The following EDARADD variants were observed in gnomAD, a reference collection of about 807,000 sequenced individuals.
The protein encoded by EDARADD is EDAR associated via death domain, also known as ectodysplasin-A receptor-associated adapter protein.
Under a neutral mutation model 25.6 loss-of-function variants are expected in EDARADD, and 20 were observed. The ratio of observed to expected loss-of-function variants is 0.78; its 90% CI spans 0.55 to 1.14. The LOEUF is 1.14. Among genes scored for constraint, EDARADD ranks in the 50% most tolerant of loss-of-function variants. The probability of loss-of-function intolerance (pLI) is 0.00; values close to 1 mark genes in which losing one functional copy is unlikely to be tolerated. For missense variants in EDARADD, 225 were observed against 270.1 expected, an observed-to-expected ratio of 0.83 and a Z score of 1.17; for synonymous variants, 86 against 94.4, an observed-to-expected ratio of 0.91 and a Z score of 0.52.
At chr1:236,452,268 C>A (rs1658733872) in intron 4 of EDARADD, among the ~76,000 whole-genome samples, 1 of 152,170 alleles carries the variant, frequency 6.6e-6, no homozygotes, top group African/African-American at 2.4e-5. Flanking sequence ...GGGCAGCAGC[C>A]CCAGCTTTCA....
intron 3 of EDARADD, among the ~76,000 whole-genome samples, chr1:236,354,286 G>A (rs1365757573): frequency 6.6e-6 from 1 of 152,122 alleles, no homozygotes; most frequent in Non-Finnish European, 1.5e-5. Context: ...GGTTTTCAGA[G>A]AAAATATCAG....
chr1:236,402,168 G>C (rs553251579), intron 1 of EDARADD, among the ~76,000 whole-genome samples: 1 of 152,262 alleles, frequency 6.6e-6, no homozygotes, highest in Non-Finnish European at 1.5e-5. Flanking sequence ...TCCCATATTG[G>C]TCAGGCTGGT....
rs555620474 is a variant in EDARADD, at chr1:236,354,519, C to T, written c.-6+3680C>T. On this transcript the variant is annotated intron_variant, in intron 3 of 7. Transcript: ENST00000439430. Reference sequence around the variant, plus strand: ...AGGTTACAGAAACAAAAGTTACCAACGAATGAAGGGTTCAGGGCTCAGCTG... The same window carrying T: ...AGGTTACAGAAACAAAAGTTACCAATGAATGAAGGGTTCAGGGCTCAGCTG... Among the ~76,000 whole-genome samples, 7 of 152,266 alleles carry T rather than the reference C, an allele frequency of 4.6e-5. No homozygotes were observed. In the South Asian group the frequency reaches 6.2e-4, roughly 14 times the overall value.
chr1:236,419,401 A>T (rs993283820), intron 3 of EDARADD, among the ~76,000 whole-genome samples: 1 of 152,140 alleles, frequency 6.6e-6, no homozygotes, highest in Non-Finnish European at 1.5e-5. Flanking sequence ...CCATCTCAAC[A>T]AAAACAAAAC....
At chr1:236,419,268 C>A (rs1371059624) in intron 3 of EDARADD, among the ~76,000 whole-genome samples, 1 of 152,106 alleles carries the variant, frequency 6.6e-6, no homozygotes, top group African/African-American at 2.4e-5. Context: ...GTGGTGCACA[C>A]CTGTAGTCCC....
rs2103043556 is a variant in EDARADD, at chr1:236,483,811, A to G, written c.*1162A>G. The G allele has an allele frequency of 7.0e-7, 1 of 1,438,570 alleles. No homozygotes were observed. The highest frequency in any genetic ancestry group is 9.8e-7 in the Non-Finnish European group (1 of 1,022,278). 89.1% of individuals were successfully genotyped at this position (1,438,570 alleles called of 1,614,324 possible). Reference sequence around the variant, plus strand: ...GGGGATGGAGGCGCGTTTGCTCCCAACATCCTGGAGAATAAAGAAGGCCTG... The same window carrying G: ...GGGGATGGAGGCGCGTTTGCTCCCAGCATCCTGGAGAATAAAGAAGGCCTG... On this transcript the variant is annotated 3_prime_UTR_variant, in exon 6 of 6. Transcript: ENST00000334232.
chr1:236,369,143 A>G (rs1390547706), intron 3 of EDARADD, among the ~76,000 whole-genome samples: 1 of 152,132 alleles, frequency 6.6e-6, no homozygotes, highest in African/African-American at 2.4e-5. Flanking sequence ...TCAATCCTCC[A>G]AATTTGCTAT....
At chr1:236,429,109 A>G (rs1343228304) in intron 4 of EDARADD, among the ~76,000 whole-genome samples, 4 of 152,090 alleles carry the variant, frequency 2.6e-5, no homozygotes, top group Non-Finnish European at 5.9e-5. Context: ...TCGGCTGGGC[A>G]TCAGAGGGAG....
chr1:236,385,156 C>G (rs1184383883), intron 3 of EDARADD, among the ~76,000 whole-genome samples: 2 of 148,784 alleles, frequency 1.3e-5, no homozygotes, highest in Admixed American at 6.7e-5. Context: ...CGCCTGTAAT[C>G]TCAGCACTTT....
chr1:236,378,971 A>G (rs921014607), intron 3 of EDARADD, among the ~76,000 whole-genome samples: 4 of 152,152 alleles, frequency 2.6e-5, no homozygotes, highest in African/African-American at 4.8e-5. Flanking sequence ...GGGGATGAGG[A>G]GAGAGGGATA....
chr1:236,459,866 A>G (rs1347449235), intron 4 of EDARADD, among the ~76,000 whole-genome samples: 1 of 152,054 alleles, frequency 6.6e-6, no homozygotes, highest in Non-Finnish European at 1.5e-5. Context: ...CACCCGCCTC[A>G]GCATCCCAAA....
intron 4 of EDARADD, among the ~76,000 whole-genome samples, chr1:236,434,793 G>A (rs1410869961): frequency 6.6e-6 from 1 of 152,044 alleles, no homozygotes; most frequent in Non-Finnish European, 1.5e-5. Flanking sequence ...GGTGGGTGGT[G>A]GAAGGTATTG....
At chr1:236,406,629 A>G (rs1230814358) in intron 1 of EDARADD, among the ~76,000 whole-genome samples, 2 of 152,218 alleles carry the variant, frequency 1.3e-5, no homozygotes, top group Non-Finnish European at 2.9e-5. Context: ...TCTAATCTTT[A>G]TGGGACCACC....
At chr1:236,451,435 T>C (rs1212860095) in intron 4 of EDARADD, among the ~76,000 whole-genome samples, 1 of 152,186 alleles carries the variant, frequency 6.6e-6, no homozygotes, top group Non-Finnish European at 1.5e-5. Flanking sequence ...CTTTTTTTTT[T>C]CTTTGGAAAC....
chr1:236,465,209 T>G (rs1223270106), intron 4 of EDARADD, among the ~76,000 whole-genome samples: 1 of 152,188 alleles, frequency 6.6e-6, no homozygotes, highest in Non-Finnish European at 1.5e-5. Flanking sequence ...TGTTCCCCCA[T>G]GCGTCCTACA....
At chr1:236,421,231 G>T (rs1657775665) in intron 3 of EDARADD, among the ~76,000 whole-genome samples, 1 of 147,078 alleles carries the variant, frequency 6.8e-6, no homozygotes, top group African/African-American at 2.5e-5. Context: ...GTTGCACTTA[G>T]GAGCAGAGCA....
chr1:236,444,124 A>G (rs543422322), intron 4 of EDARADD, among the ~76,000 whole-genome samples: 146 of 152,282 alleles, frequency 9.6e-4, no homozygotes, highest in African/African-American at 3.3e-3. Flanking sequence ...TTTAAGACGT[A>G]CTTTTTTAGA....
chr1:236,422,807 C>T (rs148468287), intron 3 of EDARADD, among the ~76,000 whole-genome samples: 2 of 152,258 alleles, frequency 1.3e-5, no homozygotes, highest in Non-Finnish European at 2.9e-5. Context: ...CCAGAGTGCC[C>T]GGGTTTAGCT....
intron 5 of EDARADD, among the ~76,000 whole-genome samples, chr1:236,476,201 TAAA>T (rs1480135925): frequency 6.8e-6 from 1 of 148,148 alleles, no homozygotes; most frequent in Non-Finnish European, 1.5e-5. Context: ...CTCAAATAAA[TAAA>T]TAAATAAATA....
Sources: gnomAD v4.1 joint callset for allele counts (sites outside exome capture counted in the v4.1 genomes callset) on GRCh38, gnomAD v4.1.1 for gene constraint, MANE v1.5 for transcripts, NCBI Gene and HGNC (gene_info 2026-07-23, HGNC 2026-07-21) for gene names.